ICE1: variants seen among roughly 807,000 people sequenced by gnomAD.
The protein encoded by ICE1 is interactor of little elongation complex ELL subunit 1.
In ICE1, 64 loss-of-function variants were observed where a neutral mutation model predicts 192.7. That is an observed-to-expected ratio of 0.33 (90% CI 0.27 to 0.41). ICE1 has a LOEUF of 0.41. ICE1 is among the 10% of genes least tolerant of loss of function. The pLI is 1.00. For missense variants in ICE1, 2,708 were observed against 2,696.0 expected (o/e 1.00, Z -0.10); for synonymous variants, 1,010 against 984.5 (o/e 1.03, Z -0.49).
chr5:5,477,562 A>G lies in ICE1; in HGVS notation c.6520+1483A>G, dbSNP rs536994365. On this transcript the variant is annotated intron_variant, in intron 17 of 18. Coordinates refer to ENST00000296564, the MANE Select transcript of ICE1 (RefSeq NM_015325.3). The stretch of plus-strand genomic sequence containing the variant: ...CAGCCAAATTTTACCAGAGGTACAA[A>G]GAGGAGCTGGTACCATTCCTTCTGA... 7.9e-5 allele frequency among the ~76,000 whole-genome samples: 12 copies of G among 152,358 alleles called. No individual in the cohort carries two copies. The South Asian group carries it at 2.5e-3, about 32-fold the overall frequency.
Position 5,435,895 on chromosome 5 carries a change from C to G in ICE1, c.85-523C>G, listed in dbSNP as rs369994673. ...ATGTTGGTCAGGCTGGTCTTGAACT[C>G]CTGACCTCAGGTAATCCGCCTCAGC... On this transcript the variant is annotated intron_variant, in intron 1 of 18. Coordinates refer to ENST00000296564, the MANE Select transcript of ICE1 (RefSeq NM_015325.3). Among the ~76,000 whole-genome samples the G allele has an allele frequency of 1.4e-4, 22 of 152,086 alleles. No individual in the cohort carries two copies. The East Asian group carries it at 3.5e-3, about 24-fold the overall frequency.
intron 17 of ICE1, among the ~76,000 whole-genome samples, chr5:5,479,871 A>G (rs903701304): frequency 1.3e-5 from 2 of 152,168 alleles, no homozygotes; most frequent in Middle Eastern, 3.2e-3. Flanking sequence ...GTTCTCACTC[A>G]TAAGTGGGAG....
rs181151890 is a variant in ICE1 at position 5,445,270 on chromosome 5, C to T, written c.424+944C>T. Among the ~76,000 whole-genome samples the T allele has an allele frequency of 9.2e-5, 14 of 152,202 alleles. No homozygotes were observed. In the East Asian group the frequency reaches 2.5e-3, roughly 27 times the overall value. On this transcript the variant is annotated intron_variant, in intron 7 of 18. Coordinates refer to ENST00000296564, the MANE Select transcript of ICE1 (RefSeq NM_015325.3). ...ACTGGAACTCTAAATATTTCGGTAACAATTTTTCCTCTGGTTTGATTATTG... is the reference window on the plus strand; with the variant it reads ...ACTGGAACTCTAAATATTTCGGTAATAATTTTTCCTCTGGTTTGATTATTG...
chr5:5,466,428 T>C lies in ICE1; in HGVS notation c.5987T>C (p.Val1996Ala). Residue 1996 changes from valine to alanine, a missense_variant, in exon 14 of 19, where the codon GTG becomes GCG. Physicochemically the swap from Val to Ala is moderately conservative, Grantham distance 64. Around this residue, in one of 2 missense-constraint regions of ICE1, gnomAD observed 342 missense variants for 419.3 expected, o/e 0.82. Coordinates refer to ENST00000296564, the MANE Select transcript of ICE1 (RefSeq NM_015325.3). ...DHNYIHALCR[V>A]YVGICRQLGD... is the part of the protein sequence containing the mutation. ...AATTACATTCACGCCCTCTGCAGGG[T>C]GTATGTGGGTATTTGTCGGCAACTC... 16 of 1,613,414 alleles carry C rather than the reference T, an allele frequency of 9.9e-6. No individual in the cohort carries two copies. The highest frequency in any genetic ancestry group is 1.4e-5 in the Non-Finnish European group (16 of 1,179,626).
In ICE1 at chr5:5,457,391, C is replaced by G; in HGVS notation, c.751C>G (p.Pro251Ala). Reference protein sequence around the residue: ...RVPGEDGTLPPTQGSPLRTSN... With the variant: ...RVPGEDGTLPATQGSPLRTSN... ...GCCTGGGGAAGATGGTACGCTACCT[C>G]CAACACAGGGCAGCCCTCTCAGGAC... The change falls in exon 12 of 19, where the codon CCA (proline) becomes GCA (alanine). Residue 251 changes from proline (P) to alanine (A), a missense_variant. Transcript: ENST00000296564. 1.2e-6 allele frequency: 2 copies of G among 1,613,676 alleles called. No individual in the cohort carries two copies. Among genetic ancestry groups the G allele is most frequent in the South Asian group, 1.1e-5 (1 of 91,032 alleles).
chr5:5,479,206 A>G (rs993934178), intron 17 of ICE1, among the ~76,000 whole-genome samples: 1 of 152,206 alleles, frequency 6.6e-6, no homozygotes, highest in Non-Finnish European at 1.5e-5. Flanking sequence ...CCATCTGACA[A>G]AGGTCCAATA....
Position 5,464,967 on chromosome 5 carries a change from C to T in ICE1, c.5633C>T (p.Ala1878Val). 8 of 1,613,766 alleles carry T rather than the reference C, an allele frequency of 5.0e-6. No individual in the cohort carries two copies. Among genetic ancestry groups the T allele is most frequent in the Non-Finnish European group, 6.8e-6 (8 of 1,179,756 alleles). The change falls in exon 13 of 19, where the codon GCT becomes GTT. Residue 1878 changes from alanine to valine, a missense_variant. Physicochemically the swap from Ala to Val is moderately conservative, Grantham distance 64 (BLOSUM62 0). Around this residue, in one of 2 missense-constraint regions of ICE1, gnomAD observed 2,366 missense variants for 2,276.6 expected, o/e 1.04. Coordinates refer to ENST00000296564, the MANE Select transcript of ICE1 (RefSeq NM_015325.3). This position sits in a 1 kb window ranked among gnomAD's most constrained non-coding sequence, Gnocchi z 4.0. ...AACCTCCCAGGGAACCTCCCTCCAGCTGAAGTTGCAACAACAAATGAGGAA... is the reference window on the plus strand; with the variant it reads ...AACCTCCCAGGGAACCTCCCTCCAGTTGAAGTTGCAACAACAAATGAGGAA... ...HKNLPGNLPP[A>V]EVATTNEERS...
Position 5,466,487 on chromosome 5 carries a change from A to G in ICE1, c.6046A>G (p.Ser2016Gly), listed in dbSNP as rs780614618. Residue 2016 changes from serine to glycine, a missense_variant, in exon 14 of 19, where the codon AGC (serine) becomes GGC (glycine). Coordinates refer to ENST00000296564, the MANE Select transcript of ICE1 (RefSeq NM_015325.3). ...DLERARLFCY[S>G]LLKEDFPESE... ...GGAAAGAGCTCGTTTGTTTTGCTAC[A>G]GCCTACTTAAAGAAGGTATGCTTAG... The G allele has an allele frequency of 1.9e-6, 3 of 1,607,130 alleles. No individual in the cohort carries two copies. The highest frequency in any genetic ancestry group is 2.5e-6 in the Non-Finnish European group (3 of 1,178,020).
At chr5:5,472,804 G>T (rs1049940688) in intron 15 of ICE1, among the ~76,000 whole-genome samples, 1 of 152,228 alleles carries the variant, frequency 6.6e-6, no homozygotes, top group Middle Eastern at 3.4e-3. Context: ...TGCAGTGCTG[G>T]TGGAAACGTG....
Position 5,422,907 on chromosome 5 carries a change from G to A in ICE1, c.-9G>A. 1 of 1,387,470 alleles carries A rather than the reference G, an allele frequency of 7.2e-7. No homozygotes were observed. Among genetic ancestry groups the A allele is most frequent in the Non-Finnish European group, 9.3e-7 (1 of 1,069,724 alleles). 85.9% of individuals were successfully genotyped at this position (1,387,470 alleles called of 1,614,324 possible). On this transcript the variant is annotated 5_prime_UTR_variant, in exon 1 of 19. Transcript: ENST00000296564. ...GGCGTGCGTGCCCACCGGGCCCGGC[G>A]GCGGCACCATGATGCCGGGCGAGAC... is the stretch of plus-strand genomic sequence containing the variant.
chr5:5,454,709 G>C, intron 11 of ICE1, 71 bp downstream of exon 11: 1 of 1,114,646 alleles, frequency 9.0e-7, no homozygotes, highest in Non-Finnish European at 1.3e-6. Flanking sequence ...CATAGCAGCC[G>C]TTACTTTTTA....
intron 6 of ICE1, 32 bp downstream of exon 6, chr5:5,443,276 G>A (rs370783497): frequency 3.5e-5 from 42 of 1,184,380 alleles, no homozygotes; most frequent in East Asian, 5.7e-5. Flanking sequence ...ATAGAAATAC[G>A]GTTTTCAGTT....
chr5:5,455,275 G>A (rs781737362), intron 11 of ICE1, among the ~76,000 whole-genome samples: 6 of 152,196 alleles, frequency 3.9e-5, no homozygotes, highest in Non-Finnish European at 5.9e-5. Context: ...TAAGGGACAA[G>A]TTACTGATTC....
At chr5:5,448,615 A>C (rs1000871565) in intron 10 of ICE1, among the ~76,000 whole-genome samples, 1 of 152,230 alleles carries the variant, frequency 6.6e-6, no homozygotes, top group African/African-American at 2.4e-5. Flanking sequence ...TGCATTTAAA[A>C]TGTTTAATTA....
intron 6 of ICE1, among the ~76,000 whole-genome samples, chr5:5,444,031 A>G (rs969362192): frequency 2.0e-5 from 3 of 152,176 alleles, no homozygotes; most frequent in African/African-American, 7.2e-5. Context: ...GCAGTTCAGG[A>G]AGGGTCCCAG....
chr5:5,429,094 A>G (rs1737617275), intron 1 of ICE1, among the ~76,000 whole-genome samples: 1 of 152,218 alleles, frequency 6.6e-6, no homozygotes, highest in African/African-American at 2.4e-5. Flanking sequence ...GTTTCCCAGT[A>G]GAGTCACACA....
chr5:5,443,298 T>A, intron 6 of ICE1, 54 bp downstream of exon 6: 2 of 985,462 alleles, frequency 2.0e-6, no homozygotes, highest in Non-Finnish European at 2.9e-6. Flanking sequence ...TGAAAATACG[T>A]AATTCTTAAG....
chr5:5,432,277 T>C (rs556085125), intron 1 of ICE1, among the ~76,000 whole-genome samples: 1 of 152,350 alleles, frequency 6.6e-6, no homozygotes, highest in Non-Finnish European at 1.5e-5. Context: ...GAATGGACTC[T>C]AGAATACACG....
chr5:5,483,140 G>C (rs772293667), intron 17 of ICE1, among the ~76,000 whole-genome samples: 1 of 151,968 alleles, frequency 6.6e-6, no homozygotes, highest in Non-Finnish European at 1.5e-5. Context: ...ACAGGCATGC[G>C]CCACCATGCT....
Sources: gnomAD v4.1 joint callset for allele counts (sites outside exome capture counted in the v4.1 genomes callset) on GRCh38, gnomAD v4.1.1 for gene constraint, gnomAD v4.1.1 regional missense constraint, Gnocchi (gnomAD v3.1) non-coding constraint, MANE v1.5 for transcripts, NCBI Gene and HGNC (gene_info 2026-07-23, HGNC 2026-07-21) for gene names.